Variants in TADA2A observed in about 807,000 individuals in gnomAD.
The protein encoded by TADA2A is transcriptional adapter 2-alpha.
In TADA2A, 38 loss-of-function variants were observed where a neutral mutation model predicts 67.4. The ratio of observed to expected loss-of-function variants is 0.56; its 90% confidence interval spans 0.44 to 0.74. The LOEUF (loss-of-function observed/expected upper bound fraction) is 0.74, where lower values mean the gene tolerates loss of function less well. TADA2A is among the 30% of genes least tolerant of loss of function. TADA2A has a pLI of 0.00. For synonymous variants in TADA2A, 192 were observed against 181.6 expected (o/e 1.06, Z -0.46); for missense variants, 454 against 547.0 (o/e 0.83, Z 1.70).
chr17:37,428,292 G>A (rs1008838451), intron 4 of TADA2A, among the ~76,000 whole-genome samples: 7 of 152,338 alleles, frequency 4.6e-5, no homozygotes, highest in Middle Eastern at 3.4e-3. Context: ...ATGTTGGCCA[G>A]CCTGGGCTCT....
intron 1 of TADA2A, among the ~76,000 whole-genome samples, chr17:37,409,195 C>T (rs2051778077): frequency 6.6e-6 from 1 of 152,136 alleles, no homozygotes; most frequent in Admixed American, 6.6e-5. Flanking sequence ...AAGCAACTCT[C>T]ATGCCTCAGC....
chr17:37,435,973 C>T lies in TADA2A; in HGVS notation c.193-1765C>T, dbSNP rs75004499. Among the ~76,000 whole-genome samples, 990 of 152,184 alleles carry T rather than the reference C, an allele frequency of 6.5e-3. 3 individuals carry two copies. Among genetic ancestry groups the T allele is most frequent in the African/African-American group, 0.022 (923 of 41,522 alleles). On this transcript the variant is annotated intron_variant, in intron 4 of 15. Coordinates refer to ENST00000615182, the MANE Select transcript of TADA2A (RefSeq NM_001166105.3). Reference sequence around the variant, plus strand: ...CCAAAAAGTCCACCCACCCAGGCCTCCCAAAATTCTGGGATTGCAGGCATG... The same window carrying T: ...CCAAAAAGTCCACCCACCCAGGCCTTCCAAAATTCTGGGATTGCAGGCATG...
intron 4 of TADA2A, among the ~76,000 whole-genome samples, chr17:37,432,502 G>A (rs2052599433): frequency 6.6e-6 from 1 of 152,134 alleles, no homozygotes; most frequent in Non-Finnish European, 1.5e-5. Flanking sequence ...TTCATGTTGT[G>A]TATGTTACTG....
rs766078760 is a variant in TADA2A, at chr17:37,465,516, T to C, written c.798T>C (p.His266=). The change falls in exon 11 of 16, where the codon CAT becomes CAC. Residue 266 remains histidine (H), a synonymous_variant. Transcript: ENST00000615182. The part of the protein sequence containing the change: ...RFARIVGPVE[H]DKFIESHALE... Reference sequence around the variant, plus strand: ...CAAGAATTGTGGGGCCAGTGGAACATGACAAATTCATTGAAAGCCATGCAT... The same window carrying C: ...CAAGAATTGTGGGGCCAGTGGAACACGACAAATTCATTGAAAGCCATGCAT... 2.4e-5 allele frequency: 39 copies of C among 1,614,104 alleles called. No individual in the cohort carries two copies. Among genetic ancestry groups the C allele is most frequent in the Non-Finnish European group, 5.9e-6 (7 of 1,180,016 alleles).
At position 37,442,795 on chromosome 17, in the gene TADA2A, T is replaced by C. The variant is rs557920911; in HGVS notation, c.531+143T>C. The C allele has an allele frequency of 1.8e-5, 12 of 660,870 alleles. No homozygotes were observed. In the South Asian group the frequency reaches 2.9e-4, roughly 16 times the overall value. 40.9% of individuals were successfully genotyped at this position (660,870 alleles called of 1,614,324 possible). On this transcript the variant is annotated intron_variant, in intron 7 of 15. Coordinates refer to ENST00000615182, the MANE Select transcript of TADA2A (RefSeq NM_001166105.3). ...TTTGTAGGACCTTTAGGCAGCCACA[T>C]TTTCTTAGGTTTGAGTGCCTTTTCT...
intron 9 of TADA2A, among the ~76,000 whole-genome samples, chr17:37,459,929 G>T (rs1361089550): frequency 6.6e-6 from 1 of 151,634 alleles, no homozygotes; most frequent in African/African-American, 2.4e-5. Flanking sequence ...AGCTGGGGGT[G>T]GTGGTGCATG....
intron 2 of TADA2A, among the ~76,000 whole-genome samples, chr17:37,419,210 A>G (rs1312943242): frequency 6.9e-6 from 1 of 144,580 alleles, no homozygotes; most frequent in Non-Finnish European, 1.5e-5. Context: ...TTGCTTTCTT[A>G]CCCAGGCTGG....
intron 2 of TADA2A, among the ~76,000 whole-genome samples, chr17:37,422,481 G>GATTATTATTATTATT (rs60163170): frequency 0.049 from 6,746 of 136,882 alleles, 270 homozygotes; most frequent in Admixed American, 0.11. Context: ...ATGCCCAGCT[G>GATTATTATTATTATT]ATTATTATTA....
chr17:37,429,045 C>CA (rs375811520), intron 4 of TADA2A, among the ~76,000 whole-genome samples: 57,978 of 109,166 alleles, frequency 0.53, 13,276 homozygotes, highest in East Asian at 0.79. Context: ...GACTCCGTCT[C>CA]AAAAAAAAAA....
intron 2 of TADA2A, among the ~76,000 whole-genome samples, chr17:37,419,139 G>A (rs1398191260): frequency 1.4e-5 from 2 of 145,992 alleles, no homozygotes; most frequent in African/African-American, 2.5e-5. Flanking sequence ...TTTTAGTCTG[G>A]AATGTTAAGA....
At chr17:37,460,488 G>A (rs1049199188) in intron 9 of TADA2A, among the ~76,000 whole-genome samples, 18 of 151,730 alleles carry the variant, frequency 1.2e-4, no homozygotes, top group African/African-American at 4.1e-4. Context: ...CAGGTGATCC[G>A]CCCACCTCAG....
chr17:37,407,462 T>A (rs1435435871), intron 1 of TADA2A: 1 of 152,306 alleles, frequency 6.6e-6, no homozygotes, highest in Non-Finnish European at 1.5e-5. Context: ...CAACGTGGAC[T>A]CCTGCCCGGC....
rs1233957152 is a variant in TADA2A, at chr17:37,474,525, A to T, written c.1073-31A>T. The T allele has an allele frequency of 1.9e-6, 3 of 1,606,706 alleles. No individual in the cohort carries two copies. The South Asian group carries it at 3.3e-5, about 18-fold the overall frequency. ...ACCTGAGAAATTGTCACTCCTATTAAATCTATGCTGTTTCCTTTCTCTGTC... is the reference window on the plus strand; with the variant it reads ...ACCTGAGAAATTGTCACTCCTATTATATCTATGCTGTTTCCTTTCTCTGTC... On this transcript the variant is annotated intron_variant, in intron 14 of 15. Transcript: ENST00000615182.
rs866226715 is a variant in TADA2A at position 37,414,322 on chromosome 17, A to C, written c.25+2932A>C. On this transcript the variant is annotated intron_variant, in intron 2 of 15. Coordinates refer to ENST00000615182, the MANE Select transcript of TADA2A (RefSeq NM_001166105.3). ...AATTTGGCCACTGGGAGTCCCTTCAAATGGGCTCCTACATCCTTATAGCGT... is the reference window on the plus strand; with the variant it reads ...AATTTGGCCACTGGGAGTCCCTTCACATGGGCTCCTACATCCTTATAGCGT... Among the ~76,000 whole-genome samples the C allele has an allele frequency of 7.9e-5, 12 of 152,228 alleles. No individual in the cohort carries two copies. The Middle Eastern group carries it at 0.014, about 173-fold the overall frequency.
chr17:37,424,787 C>T (rs1468004267), intron 3 of TADA2A, among the ~76,000 whole-genome samples: 1 of 152,186 alleles, frequency 6.6e-6, no homozygotes, highest in African/African-American at 2.4e-5. Flanking sequence ...AACTCCAGAC[C>T]TCAGGTGATC....
intron 8 of TADA2A, among the ~76,000 whole-genome samples, chr17:37,457,145 C>G (rs1568172583): frequency 6.6e-6 from 1 of 150,670 alleles, no homozygotes. Context: ...TTGTCTGTTA[C>G]TCCTGTGCAG....
intron 5 of TADA2A, among the ~76,000 whole-genome samples, chr17:37,439,932 TTA>T (rs1568155059): frequency 2.0e-4 from 17 of 85,846 alleles, no homozygotes; most frequent in South Asian, 1.2e-3. Flanking sequence ...ATTTATTTAT[TTA>T]TTTATTTATT....
intron 8 of TADA2A, among the ~76,000 whole-genome samples, chr17:37,455,960 T>C (rs2053380342): frequency 6.6e-6 from 1 of 152,094 alleles, no homozygotes; most frequent in African/African-American, 2.4e-5. Flanking sequence ...TTCCAGCACT[T>C]CGAGAGGCCA....
intron 1 of TADA2A, among the ~76,000 whole-genome samples, chr17:37,409,774 AAAC>A (rs1352461257): frequency 1.4e-5 from 2 of 139,284 alleles, no homozygotes; most frequent in Non-Finnish European, 3.2e-5. Flanking sequence ...TCTCAAAAAA[AAAC>A]AAAAACAAAA....
Sources: gnomAD v4.1 joint callset for allele counts (sites outside exome capture counted in the v4.1 genomes callset) on GRCh38, gnomAD v4.1.1 for gene constraint, MANE v1.5 for transcripts, NCBI Gene and HGNC (gene_info 2026-07-23, HGNC 2026-07-21) for gene names.